STX6: variants seen among roughly 807,000 people sequenced by gnomAD.
The protein encoded by STX6 is syntaxin 6.
A neutral mutation model predicts 38.0 loss-of-function variants in STX6; 23 were observed. That is an observed-to-expected ratio of 0.60 (90% CI 0.43 to 0.86). STX6 has a LOEUF of 0.86. Among genes scored for constraint, STX6 ranks in the 40% least tolerant of loss-of-function variants. STX6 has a pLI of 0.00. For synonymous variants in STX6, 123 were observed against 107.5 expected (o/e 1.14, Z -0.89); for missense variants, 274 against 312.9 (o/e 0.88, Z 0.94).
At chr1:181,019,098 T>C (rs1277389118) in intron 1 of STX6, among the ~76,000 whole-genome samples, 1 of 152,190 alleles carries the variant, frequency 6.6e-6, no homozygotes, top group East Asian at 1.9e-4. Flanking sequence ...ATAAAGTGCT[T>C]ACTTAGCACT....
At chr1:181,007,677 A>T (rs1012274092) in intron 1 of STX6, among the ~76,000 whole-genome samples, 15 of 152,194 alleles carry the variant, frequency 9.9e-5, no homozygotes, top group African/African-American at 3.6e-4. Context: ...TCTAAGTAGC[A>T]ATCTATGAAC....
chr1:180,978,751 G>C lies in STX6; in HGVS notation c.692-2105C>G, dbSNP rs571582593. Among the ~76,000 whole-genome samples, 103 of 152,314 alleles carry C rather than the reference G, an allele frequency of 6.8e-4. 1 individual carries two copies. The highest frequency in any genetic ancestry group is 2.2e-3 in the African/African-American group (90 of 41,556). On this transcript the variant is annotated intron_variant, in intron 7 of 7. Coordinates refer to ENST00000258301, the MANE Select transcript of STX6 (RefSeq NM_005819.6). The stretch of plus-strand genomic sequence containing the variant: ...ACAGTAGAAAAACTGGGAAGCACTA[G>C]TGAAGTTCACGGGCCAGGGGCACAG...
chr1:181,004,493 C>T (rs1253905101), intron 2 of STX6, among the ~76,000 whole-genome samples: 1 of 152,192 alleles, frequency 6.6e-6, no homozygotes, highest in Non-Finnish European at 1.5e-5. Flanking sequence ...TCAATCATGC[C>T]TGCGAAATGA....
At chr1:181,020,443 C>T (rs926689958) in intron 1 of STX6, among the ~76,000 whole-genome samples, 3 of 152,044 alleles carry the variant, frequency 2.0e-5, no homozygotes, top group East Asian at 1.9e-4. Flanking sequence ...TATTTTACTG[C>T]GGCTACTAGA....
chr1:180,984,882 C>T, intron 6 of STX6, 111 bp from the exon 7 acceptor site: 2 of 501,820 alleles, frequency 4.0e-6, no homozygotes, highest in South Asian at 5.9e-5. Context: ...ATAGGCAACA[C>T]TGGGTTTCAG....
intron 4 of STX6, among the ~76,000 whole-genome samples, chr1:180,990,777 T>C (rs1019015401): frequency 2.6e-5 from 4 of 152,010 alleles, no homozygotes; most frequent in Admixed American, 2.6e-4. Context: ...AAAGTCAGAG[T>C]TCTCCACCAG....
chr1:181,003,218 A>G (rs554392001), intron 2 of STX6, among the ~76,000 whole-genome samples: 66 of 152,192 alleles, frequency 4.3e-4, no homozygotes, highest in Admixed American at 4.3e-3. Context: ...ATAGCTCTCT[A>G]TACTTCTCGT....
At chr1:181,014,838 C>T (rs904998864) in intron 1 of STX6, among the ~76,000 whole-genome samples, 7 of 152,312 alleles carry the variant, frequency 4.6e-5, no homozygotes, top group African/African-American at 1.7e-4. Flanking sequence ...CACACTGTGA[C>T]ATATTTTGTA....
chr1:180,993,257 G>T, intron 4 of STX6, 106 bp downstream of exon 4: 1 of 716,340 alleles, frequency 1.4e-6, no homozygotes, highest in Non-Finnish European at 2.4e-6. Context: ...GCAAGCAGAA[G>T]TCTTCCTCTT....
At chr1:181,016,316 C>T (rs771739732) in intron 1 of STX6, among the ~76,000 whole-genome samples, 11 of 152,282 alleles carry the variant, frequency 7.2e-5, no homozygotes, top group Admixed American at 2.0e-4. Context: ...CCTTTAAGGC[C>T]CAGATTGACC....
At chr1:180,994,741 A>G (rs1443286604) in intron 3 of STX6, among the ~76,000 whole-genome samples, 1 of 152,130 alleles carries the variant, frequency 6.6e-6, no homozygotes, top group East Asian at 1.9e-4. Flanking sequence ...AAGAAATAAG[A>G]CCTAGTGCTC....
At chr1:180,979,013 A>G (rs965991313) in intron 7 of STX6, among the ~76,000 whole-genome samples, 1 of 152,228 alleles carries the variant, frequency 6.6e-6, no homozygotes, top group Non-Finnish European at 1.5e-5. Context: ...CAGAAGAGGA[A>G]TTTTTAAAAC....
At chr1:180,978,229 G>A (rs534958321) in intron 7 of STX6, among the ~76,000 whole-genome samples, 1 of 152,284 alleles carries the variant, frequency 6.6e-6, no homozygotes, top group African/African-American at 2.4e-5. Flanking sequence ...AACTGAAAAA[G>A]CAAAACTCTT....
At chr1:181,001,764 G>A (rs934991259) in intron 3 of STX6, among the ~76,000 whole-genome samples, 1 of 152,232 alleles carries the variant, frequency 6.6e-6, no homozygotes, top group Non-Finnish European at 1.5e-5. Context: ...TAAAAAGTGA[G>A]AAAGATAACT....
At chr1:180,993,456 A>T (rs753615722) in intron 3 of STX6, 31 bp from the exon 4 acceptor site, 1 of 1,306,248 alleles carries the variant, frequency 7.7e-7, no homozygotes, top group South Asian at 1.2e-5. Context: ...AAAACAAATG[A>T]AAAATATCCT....
intron 1 of STX6, among the ~76,000 whole-genome samples, chr1:181,006,983 G>C (rs1029494489): frequency 6.6e-6 from 1 of 152,202 alleles, no homozygotes; most frequent in African/African-American, 2.4e-5. Flanking sequence ...CAGTGCTAAT[G>C]AGAAACCCTA....
Position 181,018,493 on chromosome 1 carries a change from T to G in STX6, c.35+4146A>C, listed in dbSNP as rs535123297. ...GACCATATTATATATATAATATATA[T>G]TTGTAATAAATATATAAATCCTGGC... On this transcript the variant is annotated intron_variant, in intron 1 of 7. Coordinates refer to ENST00000258301, the MANE Select transcript of STX6 (RefSeq NM_005819.6). Among the ~76,000 whole-genome samples, 8 of 149,666 alleles carry G rather than the reference T, an allele frequency of 5.3e-5. No individual in the cohort carries two copies. In the South Asian group the frequency reaches 1.7e-3, roughly 31 times the overall value.
chr1:180,978,928 G>C (rs1274012199), intron 7 of STX6, among the ~76,000 whole-genome samples: 3 of 152,094 alleles, frequency 2.0e-5, no homozygotes, highest in South Asian at 2.1e-4. Context: ...GCACACTAAA[G>C]GAAAAAGCAA....
intron 1 of STX6, among the ~76,000 whole-genome samples, chr1:181,018,539 A>G (rs1483825328): frequency 1.3e-5 from 2 of 151,646 alleles, no homozygotes; most frequent in East Asian, 1.9e-4. Context: ...ACAAGCTTAT[A>G]AAGTTGAAGT....
Sources: gnomAD v4.1 joint callset for allele counts (sites outside exome capture counted in the v4.1 genomes callset) on GRCh38, gnomAD v4.1.1 for gene constraint, MANE v1.5 for transcripts, NCBI Gene and HGNC (gene_info 2026-07-23, HGNC 2026-07-21) for gene names.